SERPINE2: variants seen among roughly 807,000 people sequenced by gnomAD.
SERPINE2 encodes glia-derived nexin.
Under a neutral mutation model 36.3 loss-of-function variants are expected in SERPINE2, and 14 were observed. That is an observed-to-expected ratio of 0.39 (90% CI 0.25 to 0.60). SERPINE2 has a LOEUF of 0.60. Among genes scored for constraint, SERPINE2 ranks in the 20% least tolerant of loss-of-function variants. SERPINE2 has a pLI of 0.57. For missense variants in SERPINE2, 418 were observed against 499.6 expected (o/e 0.84, Z 1.56); for synonymous variants, 192 against 191.8 (o/e 1.00, Z -0.01).
intron 5 of SERPINE2, 81 bp downstream of exon 5, chr2:223,984,671 C>T (rs1018095478): frequency 7.4e-7 from 1 of 1,353,922 alleles, no homozygotes; most frequent in Non-Finnish European, 1.0e-6. Flanking sequence ...CATATTTTCG[C>T]CTCATGTTGT....
At chr2:224,032,401 G>A (rs978191645) in intron 1 of SERPINE2, among the ~76,000 whole-genome samples, 2 of 152,144 alleles carry the variant, frequency 1.3e-5, no homozygotes, top group African/African-American at 4.8e-5. Flanking sequence ...TACATGGAGG[G>A]CGAAAGTTGG....
At chr2:223,983,057 A>G (rs1346075576) in intron 5 of SERPINE2, among the ~76,000 whole-genome samples, 1 of 152,048 alleles carries the variant, frequency 6.6e-6, no homozygotes, top group African/African-American at 2.4e-5. Context: ...AATACTTAGG[A>G]AGATCTACAA....
At chr2:223,980,561 T>C (rs1019189734) in intron 6 of SERPINE2, 164 bp from the exon 7 acceptor site, 6 of 599,678 alleles carry the variant, frequency 1.0e-5, no homozygotes, top group Non-Finnish European at 1.8e-5. Flanking sequence ...CAGACAGCTG[T>C]TACTTGTGAA....
chr2:223,994,473 C>T (rs570726178), intron 3 of SERPINE2, among the ~76,000 whole-genome samples: 91 of 152,298 alleles, frequency 6.0e-4, no homozygotes, highest in African/African-American at 2.1e-3. Flanking sequence ...ATCTATCATC[C>T]GTCCGTCCAT....
intron 1 of SERPINE2, among the ~76,000 whole-genome samples, chr2:224,005,614 A>G (rs1235776815): frequency 1.3e-5 from 2 of 152,236 alleles, no homozygotes; most frequent in Non-Finnish European, 2.9e-5. Context: ...ACAATCGTTT[A>G]CATGAAGTAA....
chr2:224,020,969 C>T (rs1404071182), intron 1 of SERPINE2, among the ~76,000 whole-genome samples: 1 of 152,158 alleles, frequency 6.6e-6, no homozygotes, highest in East Asian at 1.9e-4. Context: ...AAAACAATGG[C>T]TTTAACAGGG....
intron 8 of SERPINE2, 123 bp from the exon 9 acceptor site, chr2:223,976,027 A>G: frequency 5.3e-6 from 4 of 755,494 alleles, no homozygotes; most frequent in Non-Finnish European, 8.1e-6. Context: ...AGTAGTGTCC[A>G]GTATAACTTT....
At chr2:224,029,173 T>C (rs1367030881) in intron 1 of SERPINE2, among the ~76,000 whole-genome samples, 1 of 152,236 alleles carries the variant, frequency 6.6e-6, no homozygotes, top group Non-Finnish European at 1.5e-5. Flanking sequence ...AGCACAGGTT[T>C]GGCATAAGAT....
chr2:224,003,772 A>T (rs952921848), intron 1 of SERPINE2, among the ~76,000 whole-genome samples: 1 of 152,228 alleles, frequency 6.6e-6, no homozygotes, highest in Non-Finnish European at 1.5e-5. Flanking sequence ...CTTCCCCAAG[A>T]GGCCCAAGCT....
chr2:224,033,534 A>C (rs895319346), intron 1 of SERPINE2, among the ~76,000 whole-genome samples: 44 of 152,176 alleles, frequency 2.9e-4, no homozygotes, highest in Admixed American at 1.9e-3. Flanking sequence ...TATACCCATT[A>C]TACAGACAAG....
chr2:224,021,754 A>C (rs978351723), intron 1 of SERPINE2, among the ~76,000 whole-genome samples: 2 of 152,232 alleles, frequency 1.3e-5, no homozygotes, highest in African/African-American at 2.4e-5. Context: ...AGGCGGGTAC[A>C]GTGGATCACA....
intron 1 of SERPINE2, among the ~76,000 whole-genome samples, chr2:224,005,629 G>C (rs1232203710): frequency 6.6e-6 from 1 of 152,116 alleles, no homozygotes; most frequent in East Asian, 1.9e-4. Context: ...AAGTAACTTG[G>C]AGTTCTCAAG....
Position 224,026,738 on chromosome 2 carries a change from T to A in SERPINE2, c.-23+12361A>T, listed in dbSNP as rs138042751. 3.3e-5 allele frequency among the ~76,000 whole-genome samples: 5 copies of A among 152,360 alleles called. No homozygotes were observed. In the East Asian group the frequency reaches 9.6e-4, roughly 29 times the overall value. ...TTGCTCAGGTACCATTTTCAGCTTA[T>A]GTGCCTGGCCCAGAAGGGATCAGGC... On this transcript the variant is annotated intron_variant, in intron 1 of 8. Coordinates refer to ENST00000409304, the MANE Select transcript of SERPINE2 (RefSeq NM_001136528.2).
chr2:223,983,967 C>CA (rs35648274), intron 5 of SERPINE2, among the ~76,000 whole-genome samples: 93,334 of 145,386 alleles, frequency 0.64, 31,500 homozygotes, highest in Non-Finnish European at 0.78. Context: ...GCTTATTTTA[C>CA]AAAAAAAAAA....
In SERPINE2 at chr2:224,028,657, T is replaced by A. The variant is rs1011031100; in HGVS notation, c.-23+10442A>T. Among the ~76,000 whole-genome samples the A allele has an allele frequency of 2.0e-5, 3 of 152,206 alleles. No homozygotes were observed. In the Middle Eastern group the frequency reaches 9.5e-3, roughly 482 times the overall value. ...ATTTTTCTCACCTATAAACCAGGAA[T>A]GATTTCTACCTTACAAGGGTTGTTA... On this transcript the variant is annotated intron_variant, in intron 1 of 8. Transcript: ENST00000409304.
intron 8 of SERPINE2, among the ~76,000 whole-genome samples, chr2:223,976,166 C>T (rs1169679810): frequency 6.6e-6 from 1 of 151,948 alleles, no homozygotes; most frequent in Non-Finnish European, 1.5e-5. Context: ...TTTTTTATTT[C>T]TTGAGACAGA....
rs1308548783 is a variant in SERPINE2 at position 224,001,666 on chromosome 2, T to C, written c.235A>G (p.Met79Val). Residue 79 changes from methionine to valine, a missense_variant, in exon 2 of 9, where the codon ATG becomes GTG. Met to Val is a conservative substitution (Grantham distance 21, BLOSUM62 1). Transcript: ENST00000409304. ...ADGRTKKQLAMVMRYGVNGVG... is the reference protein window; with the variant it reads ...ADGRTKKQLAVVMRYGVNGVG... ...CCATTTACGCCGTATCTCATCACCA[T>C]GGCGAGCTGCTTCTTGGTCCTGCCG... 3.1e-6 allele frequency: 5 copies of C among 1,613,938 alleles called. No individual in the cohort carries two copies. In the East Asian group the frequency reaches 8.9e-5, roughly 29 times the overall value.
intron 1 of SERPINE2, among the ~76,000 whole-genome samples, chr2:224,031,844 T>C (rs1360821386): frequency 7.5e-6 from 1 of 132,762 alleles, no homozygotes; most frequent in African/African-American, 2.8e-5. Flanking sequence ...TGGAGCTACC[T>C]ACAGTCATGG....
At chr2:223,982,594 T>C in intron 6 of SERPINE2, 87 bp downstream of exon 6, 1 of 792,236 alleles carries the variant, frequency 1.3e-6, no homozygotes, top group Non-Finnish European at 2.0e-6. Flanking sequence ...AACACATTCC[T>C]AATTCTGATC....
Sources: allele counts gnomAD v4.1 joint callset (sites outside exome capture counted in the v4.1 genomes callset), GRCh38; gene constraint gnomAD v4.1.1; transcripts MANE v1.5; gene names NCBI Gene and HGNC (gene_info 2026-07-23, HGNC 2026-07-21).